LY9: variants seen among roughly 807,000 people sequenced by gnomAD.
LY9 encodes T-lymphocyte surface antigen Ly-9.
LY9 carries 59 observed loss-of-function variants against 64.6 expected under a neutral mutation model. The ratio of observed to expected loss-of-function variants is 0.91; its 90% CI spans 0.74 to 1.13. LY9 has a LOEUF of 1.13. Among genes scored for constraint, LY9 ranks in the 50% most tolerant of loss-of-function variants. The pLI, the probability that LY9 is intolerant of heterozygous loss-of-function variation, is 0.00. For missense variants in LY9, 789 were observed against 797.2 expected (o/e 0.99, Z 0.12); for synonymous variants, 281 against 308.5 (o/e 0.91, Z 0.93).
chr1:160,797,270 G>A (rs508578), intron 1 of LY9: 294,262 of 985,112 alleles, frequency 0.3, 44,756 homozygotes, highest in South Asian at 0.46. Flanking sequence ...AGGGATGATG[G>A]TGCAGGTAGC....
intron 2 of LY9, among the ~76,000 whole-genome samples, chr1:160,804,584 G>T (rs909593949): frequency 6.6e-6 from 1 of 151,958 alleles, no homozygotes; most frequent in South Asian, 2.1e-4. Context: ...TTTGGTATTA[G>T]CATAATGCTG....
At chr1:160,813,581 C>A in intron 2 of LY9, 55 bp from the exon 3 acceptor site, 2 of 1,563,360 alleles carry the variant, frequency 1.3e-6, no homozygotes, top group Non-Finnish European at 8.7e-7. Context: ...CTTCTCTCAG[C>A]GCTTTCCTGC....
chr1:160,828,135 T>C lies in LY9; in HGVS notation c.*319T>C, dbSNP rs1278954388. 1.1e-5 allele frequency: 2 copies of C among 186,986 alleles called. No homozygotes were observed. The highest frequency in any genetic ancestry group is 2.3e-5 in the African/African-American group (1 of 42,656). 11.6% of individuals were successfully genotyped at this position (186,986 alleles called of 1,614,324 possible). On this transcript the variant is annotated 3_prime_UTR_variant, in exon 10 of 10. Coordinates refer to ENST00000263285, the MANE Select transcript of LY9 (RefSeq NM_002348.4). Reference sequence around the variant, plus strand: ...GTTGCTGAGGGGCCTGGACCAGCTGTCCTTTACACCACCTTCTCAACACTG... The same window carrying C: ...GTTGCTGAGGGGCCTGGACCAGCTGCCCTTTACACCACCTTCTCAACACTG...
rs749466091 is a variant in LY9, at chr1:160,796,247, A to C, written c.60A>C (p.Pro20=). 2 of 1,614,124 alleles carry C rather than the reference A, an allele frequency of 1.2e-6. No individual in the cohort carries two copies. The highest frequency in any genetic ancestry group is 1.1e-5 in the South Asian group (1 of 91,080). Residue 20 remains proline, a synonymous_variant, in exon 1 of 10, where the codon CCA becomes CCC. Transcript: ENST00000263285. ...CTCCTGGGCCTTTCTCCAGTAAGCC[A>C]CAGAGGAGTCAGCTGCAAATATTCT... ...DWAPGPFSSK[P]QRSQLQIFSS...
At chr1:160,825,061 C>T (rs1668780757) in intron 9 of LY9, among the ~76,000 whole-genome samples, 1 of 151,322 alleles carries the variant, frequency 6.6e-6, no homozygotes, top group Admixed American at 6.6e-5. Flanking sequence ...AAAAAATTAC[C>T]CAGGCCTGTG....
chr1:160,813,361 G>A (rs1362818346), intron 2 of LY9: 6 of 470,384 alleles, frequency 1.3e-5, no homozygotes, highest in Non-Finnish European at 2.3e-5. Flanking sequence ...ACAGGAATCA[G>A]CCCTGTCATC....
intron 1 of LY9, among the ~76,000 whole-genome samples, chr1:160,798,477 C>G (rs1345714116): frequency 6.6e-6 from 1 of 152,194 alleles, no homozygotes; most frequent in Non-Finnish European, 1.5e-5. Flanking sequence ...CAATCGTAAG[C>G]AGTCTCTTCC....
chr1:160,811,877 C>T (rs1667504007), intron 2 of LY9: 1 of 152,172 alleles, frequency 6.6e-6, no homozygotes, highest in South Asian at 2.1e-4. Flanking sequence ...TGTTTCTACC[C>T]AGAGTCTCTT....
intron 1 of LY9, chr1:160,797,333 T>C (rs1665985132): frequency 1.0e-6 from 1 of 961,410 alleles, no homozygotes; most frequent in East Asian, 1.2e-4. Context: ...AAGGGAGCTT[T>C]AGAAACACTC....
At chr1:160,807,152 G>C (rs1365949881) in intron 2 of LY9, among the ~76,000 whole-genome samples, 2 of 151,842 alleles carry the variant, frequency 1.3e-5, no homozygotes, top group Non-Finnish European at 2.9e-5. Context: ...TGATTTCTTT[G>C]TATTGTTTTT....
chr1:160,811,505 C>T (rs933005419), intron 2 of LY9: 3 of 152,234 alleles, frequency 2.0e-5, no homozygotes, highest in African/African-American at 7.2e-5. Context: ...ACCTCTCTCT[C>T]TCTTCTCACA....
In LY9 at chr1:160,821,994, G is replaced by C. The variant is rs574756836; in HGVS notation, c.1499-1471G>C. Among the ~76,000 whole-genome samples the C allele has an allele frequency of 9.1e-4, 138 of 152,136 alleles. 1 individual carries two copies. The highest frequency in any genetic ancestry group is 1.4e-3 in the Non-Finnish European group (95 of 68,024). ...ATTGTCTATGCTTCATGGGGTTTTAGGCAGACTAAATAAACTTATTCATGA... is the reference window on the plus strand; with the variant it reads ...ATTGTCTATGCTTCATGGGGTTTTACGCAGACTAAATAAACTTATTCATGA... On this transcript the variant is annotated intron_variant, in intron 7 of 9. Transcript: ENST00000263285.
chr1:160,800,427 C>A lies in LY9; in HGVS notation c.454+345C>A, dbSNP rs562238050. 2.6e-3 allele frequency among the ~76,000 whole-genome samples: 396 copies of A among 152,248 alleles called. 8 individuals are homozygous for A. The South Asian group carries it at 0.038, about 15-fold the overall frequency. On this transcript the variant is annotated intron_variant, in intron 2 of 9. Transcript: ENST00000263285. ...ACATGATCAAAATTTTTAGTACCAA[C>A]ATATAAGTGAGAACATGCGATATGT...
intron 3 of LY9, 130 bp from the exon 4 acceptor site, chr1:160,814,290 C>T: frequency 4.2e-6 from 3 of 716,652 alleles, no homozygotes; most frequent in African/African-American, 1.8e-5. Context: ...GCATGCCCCT[C>T]AGAGGAGGAG....
Position 160,813,670 on chromosome 1 carries a change from T to C in LY9, c.489T>C (p.Ser163=), listed in dbSNP as rs1234442474. 2 of 1,614,004 alleles carry C rather than the reference T, an allele frequency of 1.2e-6. No homozygotes were observed. The highest frequency in any genetic ancestry group is 3.3e-5 in the Admixed American group (2 of 60,008). Residue 163 remains serine (S), a synonymous_variant, in exon 3 of 10, where the codon TCT becomes TCC. Transcript: ENST00000263285. ...AGGAGCCCCAAGTCACCATGAAGTC[T>C]GTGAAGGTGTCTGAGAACTTCTCCT... ...QLQEPQVTMK[S]VKVSENFSCN... is the part of the protein sequence containing the mutation.
At chr1:160,805,515 A>G (rs189481456) in intron 2 of LY9, among the ~76,000 whole-genome samples, 23 of 152,284 alleles carry the variant, frequency 1.5e-4, no homozygotes, top group Non-Finnish European at 2.8e-4. Context: ...GTGGTCTAAC[A>G]AATAGTTTAT....
In LY9 at chr1:160,814,541, T is replaced by G. The variant is rs777244667; in HGVS notation, c.852T>G (p.Phe284Leu). 6.2e-7 allele frequency: 1 copy of G among 1,614,134 alleles called. No individual in the cohort carries two copies. Among genetic ancestry groups the G allele is most frequent in the Admixed American group, 1.7e-5 (1 of 60,022 alleles). Residue 284 changes from phenylalanine (F) to leucine (L), a missense_variant, in exon 4 of 10, where the codon TTT (phenylalanine) becomes TTG (leucine). Phe to Leu is a conservative substitution (Grantham distance 22, BLOSUM62 0). Coordinates refer to ENST00000263285, the MANE Select transcript of LY9 (RefSeq NM_002348.4). ...CRDTEKVVWL[F>L]NTSIISKERE... Reference sequence around the variant, plus strand: ...ACACAGAGAAGGTTGTCTGGTTGTTTAACACATCCATCATTAGCAAAGAGA... The same window carrying G: ...ACACAGAGAAGGTTGTCTGGTTGTTGAACACATCCATCATTAGCAAAGAGA...
At position 160,814,582 on chromosome 1, in the gene LY9, C is replaced by T. The variant is rs199988886; in HGVS notation, c.893C>T (p.Thr298Met). 21 of 1,614,014 alleles carry T rather than the reference C, an allele frequency of 1.3e-5. No individual in the cohort carries two copies. Among genetic ancestry groups the T allele is most frequent in the South Asian group, 7.7e-5 (7 of 91,084 alleles). ...IISKEREEAA[T>M]ADPLIKSRDP... is the part of the protein sequence containing the mutation. ...AGCAAAGAGAGGGAAGAAGCAGCAA[C>T]GGCAGATCCACTCATTAAATCCAGG... is the stretch of plus-strand genomic sequence containing the variant. The change falls in exon 4 of 10, where the codon ACG (threonine) becomes ATG (methionine). Residue 298 changes from threonine to methionine, a missense_variant. Thr to Met is a moderately conservative substitution (Grantham distance 81, BLOSUM62 -1). Coordinates refer to ENST00000263285, the MANE Select transcript of LY9 (RefSeq NM_002348.4).
chr1:160,801,503 G>T (rs1347015915), intron 2 of LY9, among the ~76,000 whole-genome samples: 1 of 152,092 alleles, frequency 6.6e-6, no homozygotes, highest in Non-Finnish European at 1.5e-5. Context: ...CATTCAACTC[G>T]TTGTCTCTTC....
Sources: allele counts gnomAD v4.1 joint callset (sites outside exome capture counted in the v4.1 genomes callset), GRCh38; gene constraint gnomAD v4.1.1; transcripts MANE v1.5; gene names NCBI Gene and HGNC (gene_info 2026-07-23, HGNC 2026-07-21).